The following CDYL variants were observed in gnomAD, a reference collection of about 807,000 sequenced individuals.
CDYL encodes the protein chromodomain Y like, also known as chromodomain Y-like protein.
In CDYL, 8 loss-of-function variants were observed where a neutral mutation model predicts 47.3. That is an observed-to-expected ratio of 0.17 (90% CI 0.10 to 0.31). CDYL has a LOEUF of 0.31. Among genes scored for constraint, CDYL ranks in the 10% least tolerant of loss-of-function variants. The pLI, the probability that CDYL is intolerant of heterozygous loss-of-function variation, is 1.00. For synonymous variants in CDYL, 266 were observed against 265.0 expected (o/e 1.00, Z -0.04); for missense variants, 471 against 701.4 (o/e 0.67, Z 3.71).
At chr6:4,915,865 G>A (rs1401794194) in intron 2 of CDYL, among the ~76,000 whole-genome samples, 1 of 152,170 alleles carries the variant, frequency 6.6e-6, no homozygotes, top group African/African-American at 2.4e-5. Flanking sequence ...TGGAGACTTC[G>A]TCTGTACGGC....
chr6:4,779,479 G>C (rs866889219), intron 1 of CDYL, among the ~76,000 whole-genome samples: 4 of 152,318 alleles, frequency 2.6e-5, no homozygotes, highest in African/African-American at 9.6e-5. Context: ...ACTTAGCATG[G>C]AACCTGGTAT....
chr6:4,874,697 C>T (rs2127474922), intron 1 of CDYL, among the ~76,000 whole-genome samples: 1 of 152,324 alleles, frequency 6.6e-6, no homozygotes, highest in South Asian at 2.1e-4. Flanking sequence ...ACATTTTCAC[C>T]ACCTGACAGT....
intron 3 of CDYL, among the ~76,000 whole-genome samples, chr6:4,936,493 G>T (rs1276839588): frequency 6.6e-6 from 1 of 152,104 alleles, no homozygotes; most frequent in Non-Finnish European, 1.5e-5. Flanking sequence ...CTGTGTGTTC[G>T]CCCGGGGTCA....
rs367874242 is a variant in CDYL, at chr6:4,740,931, C to T, written c.186+6087C>T. Among the ~76,000 whole-genome samples, 9 of 152,094 alleles carry T rather than the reference C, an allele frequency of 5.9e-5. No individual in the cohort carries two copies. The South Asian group carries it at 8.3e-4, about 14-fold the overall frequency. On this transcript the variant is annotated intron_variant, in intron 3 of 8. Transcript: ENST00000328908. ...CCTCTGGAGTAGCTGGGATTACAGGCATGTGCCACCGTGCCTGGCTAATTT... is the reference window on the plus strand; with the variant it reads ...CCTCTGGAGTAGCTGGGATTACAGGTATGTGCCACCGTGCCTGGCTAATTT...
At chr6:4,887,446 A>G (rs1761928349) in intron 1 of CDYL, among the ~76,000 whole-genome samples, 1 of 152,092 alleles carries the variant, frequency 6.6e-6, no homozygotes, top group African/African-American at 2.4e-5. Context: ...GATATAACTA[A>G]GACTTTCTTA....
chr6:4,922,690 C>T (rs1029713095), intron 2 of CDYL, among the ~76,000 whole-genome samples: 5 of 152,364 alleles, frequency 3.3e-5, no homozygotes, highest in Admixed American at 2.6e-4. Flanking sequence ...TGGACTTGAA[C>T]AGTCCTTCCT....
intron 3 of CDYL, among the ~76,000 whole-genome samples, chr6:4,759,191 G>C (rs575771502): frequency 6.6e-6 from 1 of 151,856 alleles, no homozygotes; most frequent in African/African-American, 2.4e-5. Context: ...GGATGGTCTC[G>C]ATCTCCTGAC....
chr6:4,948,747 T>C (rs1266366921), intron 5 of CDYL, among the ~76,000 whole-genome samples: 1 of 152,190 alleles, frequency 6.6e-6, no homozygotes, highest in Non-Finnish European at 1.5e-5. Context: ...GGAGAAACCC[T>C]GCTCTAACTC....
intron 1 of CDYL, among the ~76,000 whole-genome samples, chr6:4,803,189 T>C (rs553140803): frequency 6.6e-6 from 1 of 152,242 alleles, no homozygotes; most frequent in South Asian, 2.1e-4. Flanking sequence ...TTTTGGCTGC[T>C]ATTCTCAGCT....
At chr6:4,945,102 A>G (rs1758472896) in intron 5 of CDYL, among the ~76,000 whole-genome samples, 1 of 152,158 alleles carries the variant, frequency 6.6e-6, no homozygotes, top group Non-Finnish European at 1.5e-5. Flanking sequence ...GACAGCTCAG[A>G]ACATCAGGGA....
In CDYL at chr6:4,952,351, G is replaced by A. The variant is rs1394788361; in HGVS notation, c.1418G>A (p.Gly473Glu). ...KGLVSQVFWP[G>E]TFTQEVMVRI... is the part of the protein sequence containing the mutation. Reference sequence around the variant, plus strand: ...CTGGTCTCCCAGGTGTTTTGGCCCGGGACGTTCACTCAGGAAGTGATGGTT... The same window carrying A: ...CTGGTCTCCCAGGTGTTTTGGCCCGAGACGTTCACTCAGGAAGTGATGGTT... The change falls in exon 6 of 7, where the codon GGG becomes GAG. Residue 473 changes from glycine (G) to glutamate (E), a missense_variant. Transcript: ENST00000397588. 1 of 1,614,174 alleles carries A rather than the reference G, an allele frequency of 6.2e-7. No homozygotes were observed. Among genetic ancestry groups the A allele is most frequent in the Non-Finnish European group, 8.5e-7 (1 of 1,180,032 alleles).
At chr6:4,935,377 A>G (rs1235691817) in intron 2 of CDYL, 138 bp from the exon 3 acceptor site, 15 of 760,350 alleles carry the variant, frequency 2.0e-5, no homozygotes, top group Non-Finnish European at 3.1e-5. Flanking sequence ...GGCTTTCTAA[A>G]GGTTCTAAGT....
intron 5 of CDYL, among the ~76,000 whole-genome samples, chr6:4,946,074 T>G (rs1418230809): frequency 6.6e-6 from 1 of 152,204 alleles, no homozygotes; most frequent in East Asian, 1.9e-4. Flanking sequence ...CATCTCCTGC[T>G]GGCAGGCTGG....
upstream of CDYL, among the ~76,000 whole-genome samples, chr6:4,771,508 G>A (rs1355385496): frequency 2.0e-5 from 3 of 152,148 alleles, no homozygotes; most frequent in Non-Finnish European, 4.4e-5. Context: ...CAATACTAGT[G>A]ATTGAAAAAA....
intron 1 of CDYL, among the ~76,000 whole-genome samples, chr6:4,715,375 T>C (rs1039838288): frequency 2.0e-5 from 3 of 152,302 alleles, no homozygotes; most frequent in African/African-American, 7.2e-5. Flanking sequence ...GCAGACACAT[T>C]TTCATGACTG....
intron 1 of CDYL, among the ~76,000 whole-genome samples, chr6:4,708,294 C>G (rs1582264107): frequency 6.6e-6 from 1 of 151,960 alleles, no homozygotes; most frequent in African/African-American, 2.4e-5. Context: ...CTCCCAAGTA[C>G]CTGGGACTAC....
At chr6:4,749,858 G>A (rs189518638) in intron 3 of CDYL, among the ~76,000 whole-genome samples, 48 of 152,226 alleles carry the variant, frequency 3.2e-4, no homozygotes, top group African/African-American at 1.0e-3. Context: ...GAGTGAAAGA[G>A]GGCCTTATTA....
upstream of CDYL, chr6:4,774,610 C>T (rs73360698): frequency 1.5e-4 from 23 of 152,328 alleles, no homozygotes; most frequent in African/African-American, 5.1e-4. Context: ...AGGTATTGGG[C>T]TTTCTCGTGG....
At chr6:4,744,602 T>G (rs1757855620) in intron 3 of CDYL, among the ~76,000 whole-genome samples, 1 of 152,208 alleles carries the variant, frequency 6.6e-6, no homozygotes, top group Non-Finnish European at 1.5e-5. Flanking sequence ...GAACCAACAT[T>G]TCTTGTCACT....
Sources: gnomAD v4.1 joint callset for allele counts (sites outside exome capture counted in the v4.1 genomes callset) on GRCh38, gnomAD v4.1.1 for gene constraint, MANE v1.5 for transcripts, NCBI Gene and HGNC (gene_info 2026-07-23, HGNC 2026-07-21) for gene names.